The following NRROS variants were observed in gnomAD, a reference collection of about 807,000 sequenced individuals.
The protein encoded by NRROS is negative regulator of reactive oxygen species, also known as transforming growth factor beta activator LRRC33.
Under a neutral mutation model 12.0 loss-of-function variants are expected in NRROS, and 6 were observed. That is an observed-to-expected ratio of 0.50 (90% CI 0.27 to 0.98). The LOEUF is 0.98. NRROS is among the 50% of genes least tolerant of loss of function. The pLI, the probability that NRROS is intolerant of heterozygous loss-of-function variation, is 0.11. For synonymous variants in NRROS, 462 were observed against 410.2 expected (o/e 1.13, Z -1.53); for missense variants, 857 against 888.2 (o/e 0.96, Z 0.45).
chr3:196,661,189 C>T lies in NRROS; in HGVS notation c.1546C>T (p.Leu516=). The change falls in exon 3 of 3, where the codon CTG becomes TTG. Residue 516 remains leucine, a synonymous_variant. Transcript: ENST00000328557. ...GGATGTTGCCCCCATGTTACAGGTC[C>T]TGTCTCTCAGGAACATGGGCCTCCA... ...LQDVAPMLQV[L]SLRNMGLHSS... 1 of 1,613,510 alleles carries T rather than the reference C, an allele frequency of 6.2e-7. No homozygotes were observed.
intron 1 of NRROS, among the ~76,000 whole-genome samples, chr3:196,647,344 T>C (rs1417224936): frequency 6.6e-6 from 1 of 152,176 alleles, no homozygotes; most frequent in Non-Finnish European, 1.5e-5. Flanking sequence ...GGGGGAGAAG[T>C]CAAAACAATT....
In NRROS at chr3:196,661,718, A is replaced by C; in HGVS notation, c.2075A>C (p.Tyr692Ser). The C allele has an allele frequency of 6.3e-7, 1 of 1,587,068 alleles. No individual in the cohort carries two copies. The highest frequency in any genetic ancestry group is 8.5e-7 in the Non-Finnish European group (1 of 1,170,520). Residue 692 changes from tyrosine to serine, a missense_variant, in exon 3 of 3, where the codon TAC (tyrosine) becomes TCC (serine). By Grantham distance (144) the Tyr-to-Ser change is moderately radical. Coordinates refer to ENST00000328557, the MANE Select transcript of NRROS (RefSeq NM_198565.3). ...AGCCGCTGCCACTGGTCCTCCGTTT[A>C]CTGACCTGGCTGTGTGCCAAGACTC... is the stretch of plus-strand genomic sequence containing the variant. ...IKSRCHWSSV[Y>S]
chr3:196,643,038 A>G (rs1045081166), intron 1 of NRROS, among the ~76,000 whole-genome samples: 14 of 147,414 alleles, frequency 9.5e-5, no homozygotes, highest in African/African-American at 3.5e-4. Context: ...GTGCCATTGC[A>G]CTCCAGCCTG....
chr3:196,644,623 A>T (rs531282741), intron 1 of NRROS, among the ~76,000 whole-genome samples: 2 of 149,818 alleles, frequency 1.3e-5, no homozygotes, highest in South Asian at 4.3e-4. Context: ...CCCGGGTGTG[A>T]TGGTGATCTG....
rs745871794 is a variant in NRROS, at chr3:196,661,236, C to T, written c.1593C>T (p.Asp531=). 4 of 1,613,994 alleles carry T rather than the reference C, an allele frequency of 2.5e-6. No individual in the cohort carries two copies. The highest frequency in any genetic ancestry group is 3.4e-6 in the Non-Finnish European group (4 of 1,179,984). Residue 531 remains aspartate, a synonymous_variant, in exon 3 of 3, where the codon GAC becomes GAT. Transcript: ENST00000328557. Reference sequence around the variant, plus strand: ...TCCACTCCAGCTTTATGGCGTTGGACTTCTCTGGGTTTGGGAATCTCAGGG... The same window carrying T: ...TCCACTCCAGCTTTATGGCGTTGGATTTCTCTGGGTTTGGGAATCTCAGGG... ...MGLHSSFMAL[D]FSGFGNLRDL... is the part of the protein sequence containing the mutation.
intron 2 of NRROS, among the ~76,000 whole-genome samples, chr3:196,658,312 A>G (rs971791119): frequency 2.6e-5 from 4 of 152,372 alleles, no homozygotes; most frequent in South Asian, 4.1e-4. Flanking sequence ...CCAGAAAGAC[A>G]TGGAACAGAA....
Position 196,660,849 on chromosome 3 carries a change from C to T in NRROS, c.1206C>T (p.Gly402=), listed in dbSNP as rs1237586971. Residue 402 remains glycine (G), a synonymous_variant, in exon 3 of 3, where the codon GGC becomes GGT. Transcript: ENST00000328557. This position sits in a 1 kb window ranked among gnomAD's most constrained non-coding sequence, Gnocchi z 7.7. ...HLAPGLASCL[G]SLRLFNLSSN... is the part of the protein sequence containing the mutation. ...CTCCGGGGCTGGCCAGCTGCCTGGG[C>T]AGCCTGCGCTTGTTCAACCTGAGCT... is the stretch of plus-strand genomic sequence containing the variant. 2 of 1,613,818 alleles carry T rather than the reference C, an allele frequency of 1.2e-6. No homozygotes were observed. Among genetic ancestry groups the T allele is most frequent in the East Asian group, 2.2e-5 (1 of 44,878 alleles).
chr3:196,650,124 C>CA (rs1472667344), intron 1 of NRROS, among the ~76,000 whole-genome samples: 2 of 152,118 alleles, frequency 1.3e-5, no homozygotes, highest in African/African-American at 4.8e-5. Context: ...AAAACAATAG[C>CA]AAAATTCAGA....
In NRROS at chr3:196,660,422, A is replaced by G. The variant is rs1370260405; in HGVS notation, c.779A>G (p.Asn260Ser). The G allele has an allele frequency of 2.5e-6, 4 of 1,613,888 alleles. No homozygotes were observed. The highest frequency in any genetic ancestry group is 3.4e-6 in the Non-Finnish European group (4 of 1,179,904). Reference sequence around the variant, plus strand: ...CTGGAGACGCTGGACCTGTCTCACAACCAGCTGCTGTTCTTCCCGCTGCTG... The same window carrying G: ...CTGGAGACGCTGGACCTGTCTCACAGCCAGCTGCTGTTCTTCCCGCTGCTG... ...FELETLDLSH[N>S]QLLFFPLLPQ... Residue 260 changes from asparagine (N) to serine (S), a missense_variant, in exon 3 of 3, where the codon AAC becomes AGC. Asn to Ser is a conservative substitution (Grantham distance 46). Coordinates refer to ENST00000328557, the MANE Select transcript of NRROS (RefSeq NM_198565.3). This position sits in a 1 kb window ranked among gnomAD's most constrained non-coding sequence, Gnocchi z 7.7.
Position 196,660,649 on chromosome 3 carries a change from A to G in NRROS, c.1006A>G (p.Ser336Gly). ...DLADLRFLDM[S>G]QNQFQYLPDG... The stretch of plus-strand genomic sequence containing the variant: ...CGCAGATCTCCGCTTCCTGGACATG[A>G]GCCAGAACCAGTTCCAGTACCTGCC... The change falls in exon 3 of 3, where the codon AGC becomes GGC. Residue 336 changes from serine (S) to glycine (G), a missense_variant. Coordinates refer to ENST00000328557, the MANE Select transcript of NRROS (RefSeq NM_198565.3). The surrounding 1 kb of genome is among the most constrained non-coding windows in gnomAD (Gnocchi z 7.7). 1 of 1,614,198 alleles carries G rather than the reference A, an allele frequency of 6.2e-7. No homozygotes were observed. The highest frequency in any genetic ancestry group is 1.1e-5 in the South Asian group (1 of 91,086).
intron 1 of NRROS, among the ~76,000 whole-genome samples, chr3:196,647,925 C>T (rs1737342911): frequency 6.6e-6 from 1 of 152,154 alleles, no homozygotes. Flanking sequence ...TGGTCTCGAA[C>T]CCCTGATCTC....
intron 1 of NRROS, among the ~76,000 whole-genome samples, chr3:196,653,944 G>A (rs545712980): frequency 9.2e-5 from 14 of 152,126 alleles, no homozygotes; most frequent in Non-Finnish European, 1.6e-4. Flanking sequence ...TGTTTCCCCC[G>A]TCCAAGCAAA....
intron 1 of NRROS, among the ~76,000 whole-genome samples, chr3:196,644,727 C>T (rs1353075273): frequency 7.0e-6 from 1 of 142,860 alleles, no homozygotes; most frequent in Non-Finnish European, 1.5e-5. Flanking sequence ...GAGCAGAGAT[C>T]GCACCATTGC....
intron 1 of NRROS, among the ~76,000 whole-genome samples, chr3:196,644,681 G>A (rs531769284): frequency 3.3e-5 from 5 of 150,282 alleles, no homozygotes; most frequent in Non-Finnish European, 5.9e-5. Context: ...GCTGAGGCAG[G>A]AGAATCTCTT....
chr3:196,640,505 A>T (rs1482066811), intron 1 of NRROS, among the ~76,000 whole-genome samples: 2 of 152,122 alleles, frequency 1.3e-5, no homozygotes, highest in African/African-American at 4.8e-5. Flanking sequence ...TGTCCTTGGG[A>T]GATTCACTGG....
Position 196,654,755 on chromosome 3 carries a change from G to A in NRROS, c.108+108G>A. On this transcript the variant is annotated intron_variant, in intron 2 of 2. Transcript: ENST00000328557. The surrounding 1 kb of genome is among the most constrained non-coding windows in gnomAD (Gnocchi z 4.4). Reference sequence around the variant, plus strand: ...ATCAGGAAGGGCAGAGAATGAAGGAGCCTGCATCACTCTGTGCCTGCCTAG... The same window carrying A: ...ATCAGGAAGGGCAGAGAATGAAGGAACCTGCATCACTCTGTGCCTGCCTAG... 1 of 687,816 alleles carries A rather than the reference G, an allele frequency of 1.5e-6. No homozygotes were observed. Among genetic ancestry groups the A allele is most frequent in the South Asian group, 1.8e-5 (1 of 54,728 alleles). 42.6% of individuals were successfully genotyped at this position (687,816 alleles called of 1,614,324 possible). A position where few individuals can be genotyped will look rare whatever the true frequency, so the allele number is the denominator to read the frequency against.
chr3:196,646,502 G>A (rs1351290682), intron 1 of NRROS, among the ~76,000 whole-genome samples: 1 of 152,158 alleles, frequency 6.6e-6, no homozygotes, highest in Non-Finnish European at 1.5e-5. Flanking sequence ...CCTGTGGCCA[G>A]ATGGCAGCCT....
chr3:196,642,013 G>C (rs1294936403), intron 1 of NRROS, among the ~76,000 whole-genome samples: 1 of 152,138 alleles, frequency 6.6e-6, no homozygotes, highest in African/African-American at 2.4e-5. Context: ...GCCTTTGGTG[G>C]AACTTCTTTA....
chr3:196,653,495 G>C (rs1023081002), intron 1 of NRROS, among the ~76,000 whole-genome samples: 1 of 152,244 alleles, frequency 6.6e-6, no homozygotes, highest in African/African-American at 2.4e-5. Flanking sequence ...TGGGCCTCCG[G>C]TAGGTGTCAA....
Sources: gnomAD v4.1 joint callset for allele counts (sites outside exome capture counted in the v4.1 genomes callset) on GRCh38, gnomAD v4.1.1 for gene constraint, Gnocchi (gnomAD v3.1) non-coding constraint, MANE v1.5 for transcripts, NCBI Gene and HGNC (gene_info 2026-07-23, HGNC 2026-07-21) for gene names.